TMEM63A: variants seen among roughly 807,000 people sequenced by gnomAD.
TMEM63A encodes the protein transmembrane protein 63A, also known as mechanosensitive cation channel TMEM63A.
In TMEM63A, 76 loss-of-function variants were observed where a neutral mutation model predicts 100.6. That is an observed-to-expected ratio of 0.76 (90% confidence interval 0.63 to 0.91). The LOEUF is 0.91. Ranked by LOEUF, TMEM63A falls within the 40% of genes least tolerant of loss-of-function variation. The pLI is 0.00. For synonymous variants in TMEM63A, 401 were observed against 401.1 expected, an observed-to-expected ratio of 1.00 and a Z score of 0.00; for missense variants, 876 against 1,008.8, an observed-to-expected ratio of 0.87 and a Z score of 1.78.
chr1:225,861,374 T>G (rs59728172), intron 13 of TMEM63A: 11,979 of 158,994 alleles, frequency 0.075, 584 homozygotes, highest in East Asian at 0.15. Flanking sequence ...CAGGCCCAAG[T>G]GTAGCAATAG....
rs774865665 is a variant in TMEM63A, at chr1:225,852,675, A to C, written c.1892T>G (p.Ile631Ser). 6 of 1,612,930 alleles carry C rather than the reference A, an allele frequency of 3.7e-6. No homozygotes were observed. The highest frequency in any genetic ancestry group is 5.1e-6 in the Non-Finnish European group (6 of 1,180,034). The change falls in exon 20 of 25, where the codon ATC (isoleucine) becomes AGC (serine). Residue 631 changes from isoleucine to serine, a missense_variant. Ile to Ser is a moderately radical substitution (Grantham distance 142, BLOSUM62 -2). Coordinates refer to ENST00000366835, the MANE Select transcript of TMEM63A (RefSeq NM_014698.3). ...IVAYSITCPI[I>S]APFGLIYILL... ...CCAGGGCCACTCACCAAATGGCGCG[A>C]TGATGGGACAAGTGATGCTGTAGGC...
Position 225,867,283 on chromosome 1 carries a change from GACA to G in TMEM63A, c.515-123_515-121del. The G allele has an allele frequency of 2.0e-6, 2 of 980,722 alleles. No individual in the cohort carries two copies. Among genetic ancestry groups the G allele is most frequent in the Non-Finnish European group, 3.3e-6 (2 of 609,590 alleles). The allele number at this position is 980,722 out of a possible 1,614,324, so 60.8% of individuals were successfully genotyped here. On this transcript the variant is annotated intron_variant, in intron 7 of 24. Coordinates refer to ENST00000366835, the MANE Select transcript of TMEM63A (RefSeq NM_014698.3). The surrounding 1 kb of genome is among the most constrained non-coding windows in gnomAD (Gnocchi z 4.6). The stretch of plus-strand genomic sequence containing the variant: ...AGGAGCATGTCTGGACCAGCAGGAA[GACA>G]ACGTCTGACTGGTCTTTCCAGAGCT...
chr1:225,871,180 G>A, intron 5 of TMEM63A, 67 bp from the exon 6 acceptor site: 1 of 1,521,298 alleles, frequency 6.6e-7, no homozygotes, highest in East Asian at 2.3e-5. Flanking sequence ...TGTAACCATT[G>A]TCTTTGACAT....
chr1:225,879,875 T>C (rs1026868924), intron 1 of TMEM63A, among the ~76,000 whole-genome samples: 1 of 152,026 alleles, frequency 6.6e-6, no homozygotes, highest in Non-Finnish European at 1.5e-5. Context: ...AGGCTTGAAA[T>C]GTGAAGTGGA....
At chr1:225,872,264 T>C (rs947640829) in intron 4 of TMEM63A, among the ~76,000 whole-genome samples, 2 of 152,196 alleles carry the variant, frequency 1.3e-5, no homozygotes, top group Admixed American at 6.5e-5. Flanking sequence ...TAAAACTCTA[T>C]GTTATACGGG....
chr1:225,862,645 A>T lies in TMEM63A; in HGVS notation c.828-67T>A. 1 of 1,602,296 alleles carries T rather than the reference A, an allele frequency of 6.2e-7. No individual in the cohort carries two copies. Among genetic ancestry groups the T allele is most frequent in the East Asian group, 2.2e-5 (1 of 44,644 alleles). Reference sequence around the variant, plus strand: ...TCCTGTGGCAGGGACCCCCATACCCACAGTTCAACCATCGAACGCCAGGGG... The same window carrying T: ...TCCTGTGGCAGGGACCCCCATACCCTCAGTTCAACCATCGAACGCCAGGGG... On this transcript the variant is annotated intron_variant, in intron 11 of 24. Coordinates refer to ENST00000366835, the MANE Select transcript of TMEM63A (RefSeq NM_014698.3). This position sits in a 1 kb window ranked among gnomAD's most constrained non-coding sequence, Gnocchi z 5.1.
At chr1:225,874,080 A>C (rs530229717) in intron 4 of TMEM63A, among the ~76,000 whole-genome samples, 1 of 152,326 alleles carries the variant, frequency 6.6e-6, no homozygotes, top group East Asian at 1.9e-4. Context: ...GGCCAGGTAG[A>C]TACACTTAAT....
intron 20 of TMEM63A, among the ~76,000 whole-genome samples, chr1:225,852,430 A>G (rs116476085): frequency 0.06 from 9,169 of 152,212 alleles, 879 homozygotes; most frequent in African/African-American, 0.21. Flanking sequence ...GGGTTGCAGT[A>G]AGCCAAGATC....
chr1:225,874,258 A>G, intron 4 of TMEM63A, 30 bp downstream of exon 4: 2 of 1,607,522 alleles, frequency 1.2e-6, no homozygotes, highest in African/African-American at 1.3e-5. Context: ...ACGCACACGC[A>G]TGCTCACAGC....
At chr1:225,861,966 C>A in intron 13 of TMEM63A, 1 of 578,122 alleles carries the variant, frequency 1.7e-6, no homozygotes, top group Non-Finnish European at 3.0e-6. Context: ...GGCCAGGCCA[C>A]ATCAGCTCGA....
rs756935232 is a variant in TMEM63A at position 225,862,259 on chromosome 1, T to TCC, written c.1042_1043dup (p.Met349GlufsTer17). 9 of 1,614,114 alleles carry TCC rather than the reference T, an allele frequency of 5.6e-6. No individual in the cohort carries two copies. In the South Asian group the frequency reaches 9.9e-5, roughly 18 times the overall value. On this transcript the variant is annotated frameshift_variant, in exon 13 of 25. Coordinates refer to ENST00000366835, the MANE Select transcript of TMEM63A (RefSeq NM_014698.3). LOFTEE classifies it high-confidence loss of function. This position sits in a 1 kb window ranked among gnomAD's most constrained non-coding sequence, Gnocchi z 5.1. Reference sequence around the variant, plus strand: ...TCTCCTGGAAGGTGACGAAGGCCATTCCCAGGGGCTGGTCCTGGACGTGGC... The same window carrying TCC: ...TCTCCTGGAAGGTGACGAAGGCCATTCCCCCAGGGGCTGGTCCTGGACGTGGC...
intron 13 of TMEM63A, chr1:225,861,663 A>C: frequency 6.1e-6 from 1 of 162,708 alleles, no homozygotes; most frequent in Admixed American, 5.7e-5. Context: ...TGCTGCTCCT[A>C]AGGCGAGATG....
chr1:225,871,127 G>C lies in TMEM63A; in HGVS notation c.334-14C>G, dbSNP rs770082599. 5 of 1,613,250 alleles carry C rather than the reference G, an allele frequency of 3.1e-6. No individual in the cohort carries two copies. Among genetic ancestry groups the C allele is most frequent in the Non-Finnish European group, 4.2e-6 (5 of 1,179,336 alleles). ...GGGACAGCATCCCTGGAAACGGAGA[G>C]AACAGGGATTAGCTTCCAACATTTG... On this transcript the variant is annotated splice_polypyrimidine_tract_variant and intron_variant, in intron 5 of 24. Coordinates refer to ENST00000366835, the MANE Select transcript of TMEM63A (RefSeq NM_014698.3).
intron 3 of TMEM63A, 100 bp from the exon 4 acceptor site, chr1:225,874,467 G>C (rs146300778): frequency 1.0e-6 from 1 of 1,002,868 alleles, no homozygotes; most frequent in East Asian, 2.5e-5. Flanking sequence ...GCACTCAGCA[G>C]GGCTAGAAGG....
At chr1:225,844,779 T>A (rs1157876591), downstream of TMEM63A, among the ~76,000 whole-genome samples, 9 of 151,746 alleles carry the variant, frequency 5.9e-5, no homozygotes, top group Non-Finnish European at 1.3e-4. Context: ...AAGGTCGAGG[T>A]GTTTGGAGAA....
At chr1:225,858,325 T>TTTG (rs1559039995) in intron 15 of TMEM63A, among the ~76,000 whole-genome samples, 1 of 131,804 alleles carries the variant, frequency 7.6e-6, no homozygotes, top group Non-Finnish European at 1.6e-5. Context: ...TTTGTTTTTT[T>TTTG]TTTTTTTTTT....
Position 225,862,832 on chromosome 1 carries a change from C to A in TMEM63A, c.766G>T (p.Glu256Ter). 6.2e-7 allele frequency: 1 copy of A among 1,613,930 alleles called. No individual in the cohort carries two copies. The highest frequency in any genetic ancestry group is 2.2e-5 in the East Asian group (1 of 44,856). ...SHFRDAYPTCEVVDVQLCYNV... is the reference protein window; with the variant it reads ...SHFRDAYPTC The stretch of plus-strand genomic sequence containing the variant: ...TAGCACAGCTGCACATCAACCACCT[C>A]ACACGTGGGATACGCGTCCCTGTGG... Residue 256 changes from glutamate (E) to a stop codon, truncating the protein, a stop_gained, in exon 11 of 25, where the codon GAG becomes TAG. Coordinates refer to ENST00000366835, the MANE Select transcript of TMEM63A (RefSeq NM_014698.3). LOFTEE classifies it high-confidence loss of function. This position sits in a 1 kb window ranked among gnomAD's most constrained non-coding sequence, Gnocchi z 5.1.
intron 20 of TMEM63A, among the ~76,000 whole-genome samples, chr1:225,851,971 A>C (rs1318297771): frequency 6.6e-6 from 1 of 152,292 alleles, no homozygotes; most frequent in Non-Finnish European, 1.5e-5. Flanking sequence ...GAATAGAAAC[A>C]GGAACTGCCT....
intron 17 of TMEM63A, 105 bp from the exon 18 acceptor site, chr1:225,856,045 T>A: frequency 8.4e-7 from 1 of 1,190,678 alleles, no homozygotes; most frequent in African/African-American, 1.5e-5. Flanking sequence ...AAGCTCGAGA[T>A]TGACTTTTGT....
Sources: gnomAD v4.1 joint callset for allele counts (sites outside exome capture counted in the v4.1 genomes callset) on GRCh38, gnomAD v4.1.1 for gene constraint, Gnocchi (gnomAD v3.1) non-coding constraint, MANE v1.5 for transcripts, NCBI Gene and HGNC (gene_info 2026-07-23, HGNC 2026-07-21) for gene names.